Variants in ZNF469 observed in about 807,000 individuals in gnomAD.
ZNF469 encodes zinc finger protein 469.
In ZNF469, 1 loss-of-function variant was observed where a neutral mutation model predicts 1.0. The observed-to-expected ratio is 1.00, with a 90% confidence interval of 0.35 to 4.73. The LOEUF (loss-of-function observed/expected upper bound fraction) is 4.73, where lower values mean the gene tolerates loss of function less well. Ranked by LOEUF, ZNF469 falls within the 30% of genes most tolerant of loss-of-function variation. The pLI, the probability that ZNF469 is intolerant of heterozygous loss-of-function variation, is 0.16. For synonymous variants in ZNF469, 2,703 were observed against 2,363.4 expected (o/e 1.14, Z -4.17); for missense variants, 6,100 against 5,356.3 (o/e 1.14, Z -4.33).
the ZNF469 span, among the ~76,000 whole-genome samples, chr16:88,195,733 G>A: frequency 1.3e-5 from 2 of 152,368 alleles, no homozygotes; most frequent in East Asian, 3.9e-4. Context: ...GTCCCGAGAT[G>A]CAAAGGAGAA....
the ZNF469 span, among the ~76,000 whole-genome samples, chr16:88,282,749 C>G: frequency 6.6e-6 from 1 of 152,224 alleles, no homozygotes; most frequent in African/African-American, 2.4e-5. Flanking sequence ...CGTAAAGGGT[C>G]ATCCCTGTTA....
chr16:88,138,871 A>G, the ZNF469 span, among the ~76,000 whole-genome samples: 1 of 152,266 alleles, frequency 6.6e-6, no homozygotes, highest in Non-Finnish European at 1.5e-5. Context: ...CAAAGGAATA[A>G]GACAAGAAAA....
the ZNF469 span, among the ~76,000 whole-genome samples, chr16:88,291,871 G>A: frequency 6.6e-6 from 1 of 152,142 alleles, no homozygotes; most frequent in Non-Finnish European, 1.5e-5. Flanking sequence ...CTGGCGAGCT[G>A]ATGTGGTGCC....
the ZNF469 span, among the ~76,000 whole-genome samples, chr16:88,373,050 G>A: frequency 1.3e-5 from 2 of 152,068 alleles, no homozygotes; most frequent in Non-Finnish European, 2.9e-5. Context: ...CCTTCCTAAC[G>A]CTGACAGAAT....
In ZNF469 at chr16:88,427,974, G is replaced by A. The variant is rs1394453924; in HGVS notation, c.504G>A (p.Arg168=). The A allele has an allele frequency of 1.9e-6, 3 of 1,549,826 alleles. No homozygotes were observed. Among genetic ancestry groups the A allele is most frequent in the Non-Finnish European group, 1.7e-6 (2 of 1,146,872 alleles). ...CTCCACTCAGGCCGGGCCTCCCAAG[G>A]ACTGAGGCCCAACCCGCCGCCGAAG... ...TGAPLRPGLP[R]TEAQPAAEEL... is the part of the protein sequence containing the mutation. Residue 168 remains arginine (R), a synonymous_variant, in exon 3 of 3, where the codon AGG becomes AGA. Coordinates refer to ENST00000565624, the MANE Select transcript of ZNF469 (RefSeq NM_001367624.2).
chr16:88,260,122 C>G, the ZNF469 span, among the ~76,000 whole-genome samples: 1 of 150,980 alleles, frequency 6.6e-6, no homozygotes, highest in Non-Finnish European at 1.5e-5. The surrounding 1 kb of genome is among the most constrained non-coding windows in gnomAD (Gnocchi z 4.1). Flanking sequence ...GGATTACAGG[C>G]GCACACCACC....
At chr16:88,315,871 C>A in the ZNF469 span, among the ~76,000 whole-genome samples, 1 of 152,216 alleles carries the variant, frequency 6.6e-6, no homozygotes, top group Non-Finnish European at 1.5e-5. Context: ...AGGCCCTCCC[C>A]CTCCTGCTGA....
At chr16:88,207,930 G>A in the ZNF469 span, among the ~76,000 whole-genome samples, 1 of 152,144 alleles carries the variant, frequency 6.6e-6, no homozygotes, top group African/African-American at 2.4e-5. Flanking sequence ...GGGGGTGGAT[G>A]TGTCTTTGGC....
chr16:88,379,016 G>A (rs971174777), upstream of ZNF469, among the ~76,000 whole-genome samples: 1 of 152,226 alleles, frequency 6.6e-6, no homozygotes, highest in East Asian at 1.9e-4. Context: ...GGCCATCAGC[G>A]CTGACCTCGA....
rs1208746061 is a variant in ZNF469 at position 88,383,110 on chromosome 16, G to T, written c.-336G>T. Among the ~76,000 whole-genome samples, 2 of 149,780 alleles carry T rather than the reference G, an allele frequency of 1.3e-5. No individual in the cohort carries two copies. Among genetic ancestry groups the T allele is most frequent in the Non-Finnish European group, 3.0e-5 (2 of 67,118 alleles). ...CCGAGGCGCAGCGCGCGGCAGAGCG[G>T]CTCGGTGCCCGGCGGGCGGGCGGCC... is the stretch of plus-strand genomic sequence containing the variant. On this transcript the variant is annotated 5_prime_UTR_variant, in exon 1 of 3. Transcript: ENST00000565624.
At chr16:88,160,336 C>T in the ZNF469 span, among the ~76,000 whole-genome samples, 71 of 152,290 alleles carry the variant, frequency 4.7e-4, 1 homozygote, top group East Asian at 0.013. Context: ...GAAGTGACCT[C>T]CCATTGACAG....
chr16:88,274,659 T>C, the ZNF469 span, among the ~76,000 whole-genome samples: 2 of 152,366 alleles, frequency 1.3e-5, no homozygotes, highest in East Asian at 3.9e-4. Flanking sequence ...GTGTGCTTGC[T>C]TGCTCATTTT....
chr16:88,203,728 C>CTGTGTG, the ZNF469 span, among the ~76,000 whole-genome samples: 59,025 of 149,948 alleles, frequency 0.39, 12,647 homozygotes, highest in South Asian at 0.53. Context: ...GTGTCTGTCC[C>CTGTGTG]TGTGTGTGTG....
At chr16:88,331,098 A>G in the ZNF469 span, among the ~76,000 whole-genome samples, 9 of 151,086 alleles carry the variant, frequency 6.0e-5, no homozygotes, top group African/African-American at 1.7e-4. Flanking sequence ...CACTATCACC[A>G]TTGTCACCAT....
chr16:88,247,196 G>A, the ZNF469 span, among the ~76,000 whole-genome samples: 4 of 151,832 alleles, frequency 2.6e-5, no homozygotes, highest in South Asian at 2.1e-4. Flanking sequence ...GTGAATCAGC[G>A]AGTGAATGAG....
the ZNF469 span, among the ~76,000 whole-genome samples, chr16:88,116,459 A>T: frequency 6.6e-6 from 1 of 152,206 alleles, no homozygotes; most frequent in African/African-American, 2.4e-5. Flanking sequence ...TTTCACCCAA[A>T]AGTAAACACC....
chr16:88,249,429 C>CTTTTTTTTTTTTTTTTTTTTTTTT, the ZNF469 span, among the ~76,000 whole-genome samples: 2 of 63,638 alleles, frequency 3.1e-5, no homozygotes, highest in Admixed American at 2.0e-4. Flanking sequence ...TTTTCTTTTT[C>CTTTTTTTTTTTTTTTTTTTTTTTT]TTTTTTTTTT....
At chr16:88,108,773 G>C in the ZNF469 span, among the ~76,000 whole-genome samples, 1 of 152,214 alleles carries the variant, frequency 6.6e-6, no homozygotes, top group Admixed American at 6.5e-5. Flanking sequence ...GGCACCAATA[G>C]CTTCTTGCCC....
chr16:88,377,281 C>T, the ZNF469 span, among the ~76,000 whole-genome samples: 1 of 152,254 alleles, frequency 6.6e-6, no homozygotes, highest in Non-Finnish European at 1.5e-5. Context: ...CTCAGAGCCT[C>T]ACAGAGGGTG....
Sources: allele counts gnomAD v4.1 joint callset (sites outside exome capture counted in the v4.1 genomes callset), GRCh38; gene constraint gnomAD v4.1.1; non-coding constraint Gnocchi (gnomAD v3.1); transcripts MANE v1.5; gene names NCBI Gene and HGNC (gene_info 2026-07-23, HGNC 2026-07-21).